Variants in SETX observed in about 807,000 individuals in gnomAD.
SETX encodes senataxin.
In SETX, 90 loss-of-function variants were observed where a neutral mutation model predicts 227.2. The ratio of observed to expected loss-of-function variants is 0.40; its 90% CI spans 0.33 to 0.47. The LOEUF (loss-of-function observed/expected upper bound fraction) is 0.47. SETX is among the 20% of genes least tolerant of loss of function. The probability of loss-of-function intolerance (pLI) is 0.91; values close to 1 mark genes in which losing one functional copy is unlikely to be tolerated. For synonymous variants in SETX, 1,210 were observed against 1,113.2 expected, an observed-to-expected ratio of 1.09 and a Z score of -1.73; for missense variants, 3,052 against 3,181.5, an observed-to-expected ratio of 0.96 and a Z score of 0.98.
chr9:132,271,867 TATTTATAA>T (rs1312245831), intron 23 of SETX, 59 bp from the exon 24 acceptor site: 3 of 1,462,384 alleles, frequency 2.1e-6, no homozygotes, highest in Non-Finnish European at 2.9e-6. Context: ...TAAGTATACA[TATTTATAA>T]ACTAGTTTTT....
At chr9:132,312,598 A>T (rs952916413) in intron 10 of SETX, among the ~76,000 whole-genome samples, 1 of 152,228 alleles carries the variant, frequency 6.6e-6, no homozygotes, top group African/African-American at 2.4e-5. Flanking sequence ...ATTGGTGTTG[A>T]ACTGCTTCTG....
chr9:132,337,315 A>G (rs924560783), intron 5 of SETX, among the ~76,000 whole-genome samples: 1 of 152,056 alleles, frequency 6.6e-6, no homozygotes, highest in African/African-American at 2.4e-5. Flanking sequence ...AAGGAAAGAA[A>G]ACACAAAATG....
intron 2 of SETX, among the ~76,000 whole-genome samples, chr9:132,350,766 G>A (rs1236879317): frequency 6.6e-6 from 1 of 151,988 alleles, no homozygotes; most frequent in Non-Finnish European, 1.5e-5. Flanking sequence ...ACACACAAAA[G>A]GACATTTAAA....
intron 2 of SETX, among the ~76,000 whole-genome samples, chr9:132,352,639 T>C (rs924596689): frequency 1.3e-5 from 2 of 152,186 alleles, no homozygotes; most frequent in African/African-American, 2.4e-5. Context: ...TAGTCGCAGC[T>C]ACTGGGGAGG....
intron 10 of SETX, among the ~76,000 whole-genome samples, chr9:132,314,042 C>A (rs940883361): frequency 1.6e-4 from 25 of 152,152 alleles, no homozygotes; most frequent in Non-Finnish European, 3.4e-4. Flanking sequence ...AGCGATTCTC[C>A]CGCCTCCGCC....
rs1842484445 is a variant in SETX at position 132,263,437 on chromosome 9, G to A, written c.*802C>T. The A allele has an allele frequency of 6.6e-6, 1 of 152,200 alleles. No homozygotes were observed. The highest frequency in any genetic ancestry group is 6.5e-5 in the Admixed American group (1 of 15,278). The allele number at this position is 152,200 out of a possible 1,614,324, so 9.4% of individuals were successfully genotyped here. ...TCACACAAGGCTCACAATATGCTGG[G>A]AGCATTTGAATGATAGCTCAAGAAT... On this transcript the variant is annotated 3_prime_UTR_variant, in exon 26 of 26. Transcript: ENST00000224140.
chr9:132,281,719 C>T, intron 19 of SETX, 145 bp from the exon 20 acceptor site: 2 of 703,780 alleles, frequency 2.8e-6, no homozygotes, highest in African/African-American at 1.8e-5. Flanking sequence ...TCCCTGAAAA[C>T]AAAAAAACAA....
At chr9:132,313,930 GTTTTTT>G (rs11313530) in intron 10 of SETX, among the ~76,000 whole-genome samples, 2 of 148,890 alleles carry the variant, frequency 1.3e-5, no homozygotes, top group South Asian at 2.1e-4. Context: ...AAGTTTTTTG[GTTTTTT>G]TTTTTGTTTT....
chr9:132,280,626 T>C (rs939715726), intron 20 of SETX, among the ~76,000 whole-genome samples: 1 of 152,232 alleles, frequency 6.6e-6, no homozygotes, highest in Non-Finnish European at 1.5e-5. Flanking sequence ...ACCACCTGCA[T>C]TCATTCCAAG....
At chr9:132,305,353 CAAAAA>C in intron 11 of SETX, among the ~76,000 whole-genome samples, 1 of 70,108 alleles carries the variant, frequency 1.4e-5, no homozygotes, top group Non-Finnish European at 2.9e-5. Flanking sequence ...GACTCCGTCT[CAAAAA>C]AAAAAAAAAA....
In SETX at chr9:132,328,622, T is replaced by C. The variant is rs1224872702; in HGVS notation, c.2976A>G (p.Lys992=). 1 of 1,613,518 alleles carries C rather than the reference T, an allele frequency of 6.2e-7. No homozygotes were observed. The highest frequency in any genetic ancestry group is 1.3e-5 in the African/African-American group (1 of 75,028). ...TAGCTGTGAAACATCTTTTATCTTC[T>C]TTTACTTTCCTTTGCAGCTGCGATG... ...QNSSQLQRKV[K]EDKRCFTANQ... Residue 992 remains lysine (K), a synonymous_variant, in exon 10 of 26, where the codon AAA becomes AAG. Coordinates refer to ENST00000224140, the MANE Select transcript of SETX (RefSeq NM_015046.7).
chr9:132,326,214 C>T (rs1846741447), intron 10 of SETX, 110 bp downstream of exon 10: 3 of 863,444 alleles, frequency 3.5e-6, no homozygotes, highest in Non-Finnish European at 5.6e-6. Flanking sequence ...TTACAGGTGC[C>T]CGCAACCACG....
chr9:132,343,211 C>CG (rs1328126507), intron 4 of SETX, among the ~76,000 whole-genome samples: 1 of 151,978 alleles, frequency 6.6e-6, no homozygotes, highest in Non-Finnish European at 1.5e-5. Context: ...CCCAGCTACT[C>CG]GGAAGGCTGA....
At chr9:132,267,735 C>T (rs981787495) in intron 25 of SETX, among the ~76,000 whole-genome samples, 4 of 152,204 alleles carry the variant, frequency 2.6e-5, no homozygotes, top group African/African-American at 9.7e-5. Flanking sequence ...GACCCAGGGG[C>T]TCCCAAACAC....
At chr9:132,347,667 A>C (rs1015714456) in intron 3 of SETX, among the ~76,000 whole-genome samples, 6 of 151,044 alleles carry the variant, frequency 4.0e-5, no homozygotes, top group Admixed American at 2.6e-4. Context: ...TATCAACTAC[A>C]TTCAAAAAAA....
chr9:132,302,660 C>CAAA (rs35647306), intron 11 of SETX, among the ~76,000 whole-genome samples: 8 of 33,248 alleles, frequency 2.4e-4, no homozygotes, highest in South Asian at 1.1e-3. Flanking sequence ...GACTTTGTCT[C>CAAA]AAAAAAAAAA....
intron 10 of SETX, among the ~76,000 whole-genome samples, chr9:132,320,360 G>A (rs1236975116): frequency 6.6e-6 from 1 of 152,134 alleles, no homozygotes; most frequent in African/African-American, 2.4e-5. Context: ...CAGATCACAA[G>A]GTCAGAAGAT....
At chr9:132,319,537 C>G (rs1174198260) in intron 10 of SETX, among the ~76,000 whole-genome samples, 1 of 152,156 alleles carries the variant, frequency 6.6e-6, no homozygotes, top group Non-Finnish European at 1.5e-5. Context: ...TTCGGCCATA[C>G]CAGCCTAATC....
chr9:132,285,380 T>A (rs1297201184), intron 18 of SETX, among the ~76,000 whole-genome samples: 2 of 152,158 alleles, frequency 1.3e-5, no homozygotes, highest in African/African-American at 4.8e-5. Flanking sequence ...AAAATGCAAA[T>A]GTTGTTACAC....
Sources: allele counts gnomAD v4.1 joint callset (sites outside exome capture counted in the v4.1 genomes callset), GRCh38; gene constraint gnomAD v4.1.1; transcripts MANE v1.5; gene names NCBI Gene and HGNC (gene_info 2026-07-23, HGNC 2026-07-21).